Variants in TG observed in about 807,000 individuals in gnomAD.
TG encodes the protein thyroid hormones.
TG carries 270 observed loss-of-function variants against 324.7 expected under a neutral mutation model. The observed-to-expected ratio is 0.83, with a 90% CI of 0.75 to 0.92. TG has a LOEUF of 0.92. Ranked by LOEUF, TG falls within the 40% of genes least tolerant of loss-of-function variation. The pLI is 0.00. For synonymous variants in TG, 1,401 were observed against 1,327.0 expected (o/e 1.06, Z -1.21); for missense variants, 3,591 against 3,456.4 (o/e 1.04, Z -0.98).
At chr8:132,945,106 T>C (rs1344256378) in intron 26 of TG, among the ~76,000 whole-genome samples, 2 of 152,236 alleles carry the variant, frequency 1.3e-5, no homozygotes, top group African/African-American at 2.4e-5. Context: ...GGAAGTGTCA[T>C]GATCAGATTT....
At chr8:133,037,320 T>G (rs1483998013) in intron 41 of TG, 1 of 152,244 alleles carries the variant, frequency 6.6e-6, no homozygotes, top group Non-Finnish European at 1.5e-5. Context: ...ATTAATCCAC[T>G]TGGACTCCCC....
At chr8:133,124,917 G>A (rs1169779256) in intron 45 of TG, among the ~76,000 whole-genome samples, 1 of 152,126 alleles carries the variant, frequency 6.6e-6, no homozygotes, top group Non-Finnish European at 1.5e-5. Flanking sequence ...TGAGTTTGTT[G>A]GAATTAACAA....
intron 2 of TG, 52 bp from the exon 3 acceptor site, chr8:132,869,677 T>C: frequency 2.7e-6 from 4 of 1,487,198 alleles, no homozygotes; most frequent in Non-Finnish European, 3.8e-6. Flanking sequence ...GGAGCCGGCA[T>C]GTGGCTTTGG....
intron 2 of TG, 70 bp downstream of exon 2, chr8:132,868,293 CT>C: frequency 2.1e-6 from 3 of 1,404,978 alleles, no homozygotes; most frequent in Non-Finnish European, 3.0e-6. Flanking sequence ...GCCTTCCCCC[CT>C]CTTCCTGAGC....
chr8:132,890,389 T>C (rs916877280), intron 10 of TG, among the ~76,000 whole-genome samples: 1 of 152,122 alleles, frequency 6.6e-6, no homozygotes, highest in African/African-American at 2.4e-5. Context: ...TTGATAAGGG[T>C]ATGCAATTGA....
intron 34 of TG, among the ~76,000 whole-genome samples, chr8:132,980,778 T>C (rs891144985): frequency 6.6e-6 from 1 of 152,096 alleles, no homozygotes; most frequent in African/African-American, 2.4e-5. Flanking sequence ...AATTGGTTGG[T>C]GTGGGGGCAA....
At position 132,911,531 on chromosome 8, in the gene TG, T is replaced by A. The variant is rs755913115; in HGVS notation, c.4157T>A (p.Ile1386Asn). Residue 1386 changes from isoleucine (I) to asparagine (N), a missense_variant and splice_region_variant, in exon 19 of 48, where the codon ATT (isoleucine) becomes AAT (asparagine). Physicochemically the swap from Ile to Asn is moderately radical, Grantham distance 149 (BLOSUM62 -3). Coordinates refer to ENST00000220616, the MANE Select transcript of TG (RefSeq NM_003235.5). ...GCTTCTCTTCCTGACTTACATGACA[T>A]TGGTATGTTTTTCTGTGGTAGTACC... is the stretch of plus-strand genomic sequence containing the variant. Reference protein sequence around the residue: ...PVASLPDLHDIERALVGKDLL... With the variant: ...PVASLPDLHDNERALVGKDLL... The A allele has an allele frequency of 6.2e-7, 1 of 1,611,906 alleles. No homozygotes were observed. The highest frequency in any genetic ancestry group is 1.1e-5 in the South Asian group (1 of 91,022).
chr8:133,051,435 C>T (rs1285489502), intron 41 of TG, among the ~76,000 whole-genome samples: 1 of 152,008 alleles, frequency 6.6e-6, no homozygotes. Context: ...GAGTGTGAGG[C>T]AAAATGAGTT....
chr8:132,966,446 TTCTCTCTCTGTC>T, intron 29 of TG, 102 bp from the exon 30 acceptor site: 1 of 1,332,900 alleles, frequency 7.5e-7, no homozygotes. Context: ...CTCTGACACT[TTCTCTCTCTGTC>T]TCTCTCTCTG....
chr8:132,972,540 C>T, intron 33 of TG, 58 bp from the exon 34 acceptor site: 1 of 1,589,488 alleles, frequency 6.3e-7, no homozygotes. Context: ...TTATTAGACT[C>T]TTCCATTGTA....
intron 16 of TG, among the ~76,000 whole-genome samples, chr8:132,902,096 A>G (rs1434700074): frequency 6.6e-6 from 1 of 152,184 alleles, no homozygotes; most frequent in Non-Finnish European, 1.5e-5. Flanking sequence ...AAGTCACAGG[A>G]CATCACAGTC....
At position 133,113,517 on chromosome 8, in the gene TG, C is replaced by A. The variant is rs539173252; in HGVS notation, c.7668C>A (p.Val2556=). Residue 2556 remains valine, a synonymous_variant, in exon 44 of 48, where the codon GTC becomes GTA. Transcript: ENST00000220616. ...SLGGEDSDAR[V]EAAATWYYSL... is the part of the protein sequence containing the mutation. ...GTGGCGAGGACTCAGATGCCCGCGT[C>A]GAGGCTGCTGCTACATGGTATTACT... 1.9e-6 allele frequency: 3 copies of A among 1,613,894 alleles called. No homozygotes were observed. Among genetic ancestry groups the A allele is most frequent in the Non-Finnish European group, 2.5e-6 (3 of 1,180,026 alleles).
intron 20 of TG, among the ~76,000 whole-genome samples, chr8:132,915,513 C>T (rs750250416): frequency 2.0e-5 from 3 of 152,172 alleles, no homozygotes; most frequent in South Asian, 2.1e-4. Context: ...ACGGGGCTTC[C>T]GAGGGGCTGT....
intron 43 of TG, among the ~76,000 whole-genome samples, chr8:133,108,723 G>A (rs1158558628): frequency 2.0e-5 from 3 of 152,234 alleles, no homozygotes; most frequent in African/African-American, 4.8e-5. Flanking sequence ...TACAGAGGTC[G>A]TTCATTCAAT....
Position 133,038,581 on chromosome 8 carries a change from A to G in TG, c.7239+8558A>G, listed in dbSNP as rs768731135. 10 of 1,614,164 alleles carry G rather than the reference A, an allele frequency of 6.2e-6. No homozygotes were observed. The Admixed American group carries it at 8.3e-5, about 13-fold the overall frequency. On this transcript the variant is annotated intron_variant, in intron 41 of 47. Coordinates refer to ENST00000220616, the MANE Select transcript of TG (RefSeq NM_003235.5). ...ATGAGCTCTTTCTCTTGCTGCCACC[A>G]TACATCAGGGAGATGCTTTTCTTCT...
intron 41 of TG, among the ~76,000 whole-genome samples, chr8:133,069,385 G>C (rs368940748): frequency 1.3e-5 from 2 of 152,168 alleles, no homozygotes; most frequent in Non-Finnish European, 2.9e-5. Context: ...CTTGTCCAGG[G>C]ACATGGACCC....
intron 45 of TG, among the ~76,000 whole-genome samples, chr8:133,122,402 C>T (rs934154672): frequency 6.6e-6 from 1 of 152,162 alleles, no homozygotes; most frequent in African/African-American, 2.4e-5. Context: ...TGTAAAGAAA[C>T]AAAAGCCCAG....
chr8:133,040,990 C>T (rs1587842382), intron 41 of TG, among the ~76,000 whole-genome samples: 1 of 152,326 alleles, frequency 6.6e-6, no homozygotes. Flanking sequence ...AGGCACATTA[C>T]GATGTAGCTT....
At chr8:133,026,563 G>A (rs1175951522) in intron 40 of TG, among the ~76,000 whole-genome samples, 1 of 152,222 alleles carries the variant, frequency 6.6e-6, no homozygotes. Flanking sequence ...GGGAACTGGG[G>A]TGGTGGCATC....
Sources: allele counts gnomAD v4.1 joint callset (sites outside exome capture counted in the v4.1 genomes callset), GRCh38; gene constraint gnomAD v4.1.1; transcripts MANE v1.5; gene names NCBI Gene and HGNC (gene_info 2026-07-23, HGNC 2026-07-21).